PLCL1: variants seen among roughly 807,000 people sequenced by gnomAD.
The protein encoded by PLCL1 is phospholipase C like 1 (inactive), also known as inactive phospholipase C-like protein 1.
Under a neutral mutation model 84.4 loss-of-function variants are expected in PLCL1, and 41 were observed. The observed-to-expected ratio is 0.49, with a 90% CI of 0.38 to 0.63. The LOEUF (loss-of-function observed/expected upper bound fraction) is 0.63. Among genes scored for constraint, PLCL1 ranks in the 30% least tolerant of loss-of-function variants. The pLI, the probability that PLCL1 is intolerant of heterozygous loss-of-function variation, is 0.00. For synonymous variants in PLCL1, 490 were observed against 488.3 expected (o/e 1.00, Z -0.05); for missense variants, 1,206 against 1,367.8 (o/e 0.88, Z 1.87).
chr2:197,982,711 T>A (rs549667177), intron 1 of PLCL1, among the ~76,000 whole-genome samples: 1 of 152,338 alleles, frequency 6.6e-6, no homozygotes, highest in African/African-American at 2.4e-5. Flanking sequence ...TTTTGTGATA[T>A]AAATGTGGGG....
intron 5 of PLCL1, among the ~76,000 whole-genome samples, chr2:198,104,944 T>A (rs1000282549): frequency 6.6e-6 from 1 of 152,116 alleles, no homozygotes; most frequent in Non-Finnish European, 1.5e-5. Flanking sequence ...ATGCATAGTT[T>A]GCAAATATCT....
At chr2:198,043,197 A>C (rs1194078042) in intron 1 of PLCL1, among the ~76,000 whole-genome samples, 1 of 152,222 alleles carries the variant, frequency 6.6e-6, no homozygotes, top group Non-Finnish European at 1.5e-5. Flanking sequence ...GAAAACTGGG[A>C]GGAAAGAATT....
chr2:197,867,776 C>A (rs972458589), intron 1 of PLCL1, among the ~76,000 whole-genome samples: 1 of 152,074 alleles, frequency 6.6e-6, no homozygotes, highest in African/African-American at 2.4e-5. Flanking sequence ...GGATTTCTAG[C>A]GTGGCTCACT....
chr2:197,954,863 G>C (rs1689454947), intron 1 of PLCL1, among the ~76,000 whole-genome samples: 1 of 152,002 alleles, frequency 6.6e-6, no homozygotes, highest in African/African-American at 2.4e-5. Context: ...TAATTTGGAG[G>C]CTAAAGTGTA....
intron 1 of PLCL1, among the ~76,000 whole-genome samples, chr2:197,935,708 T>G (rs901686332): frequency 1.3e-5 from 2 of 152,132 alleles, no homozygotes; most frequent in African/African-American, 4.8e-5. Flanking sequence ...ACCCAACCCC[T>G]GTGACACACA....
Position 198,085,130 on chromosome 2 carries a change from T to C in PLCL1, c.1613T>C (p.Ile538Thr). The change falls in exon 2 of 6, where the codon ATT (isoleucine) becomes ACT (threonine). Residue 538 changes from isoleucine to threonine, a missense_variant. Coordinates refer to ENST00000428675, the MANE Select transcript of PLCL1 (RefSeq NM_006226.4). The surrounding 1 kb of genome is among the most constrained non-coding windows in gnomAD (Gnocchi z 5.3). ...CCAGAAAAATTAAAAAGAATGATCA[T>C]TGTGAAAGGAAAGAAGTTGCCTTCT... The part of the protein sequence containing the change: ...PSPEKLKRMI[I>T]VKGKKLPSDP... The C allele has an allele frequency of 6.2e-7, 1 of 1,613,990 alleles. No homozygotes were observed. The highest frequency in any genetic ancestry group is 8.5e-7 in the Non-Finnish European group (1 of 1,179,960).
chr2:197,991,376 A>T (rs1453954476), intron 1 of PLCL1, among the ~76,000 whole-genome samples: 1 of 152,140 alleles, frequency 6.6e-6, no homozygotes, highest in Non-Finnish European at 1.5e-5. Flanking sequence ...CTATAGTGGC[A>T]TGAGCCAATT....
chr2:197,922,012 T>TTTA (rs1347504326), intron 1 of PLCL1, among the ~76,000 whole-genome samples: 1 of 148,080 alleles, frequency 6.8e-6, no homozygotes, highest in Non-Finnish European at 1.5e-5. Flanking sequence ...TTTTTTTTTT[T>TTTA]TTTTTAAATT....
At chr2:197,988,029 G>T (rs1454014175) in intron 1 of PLCL1, among the ~76,000 whole-genome samples, 1 of 152,140 alleles carries the variant, frequency 6.6e-6, no homozygotes. Flanking sequence ...GAAACTGAGG[G>T]AAAGAGCAGT....
chr2:198,034,119 A>T (rs2105852144), intron 1 of PLCL1, among the ~76,000 whole-genome samples: 1 of 152,198 alleles, frequency 6.6e-6, no homozygotes, highest in East Asian at 1.9e-4. Context: ...TACGTTAGGT[A>T]TATCTCCTAA....
At chr2:198,127,994 AAAAT>A (rs1468507329) in intron 5 of PLCL1, among the ~76,000 whole-genome samples, 11 of 152,138 alleles carry the variant, frequency 7.2e-5, no homozygotes, top group Admixed American at 7.2e-4. Flanking sequence ...AAGCGGCTCT[AAAAT>A]AAGGAGAAAA....
chr2:198,042,952 G>C (rs1053694321), intron 1 of PLCL1, among the ~76,000 whole-genome samples: 3 of 152,160 alleles, frequency 2.0e-5, no homozygotes, highest in Non-Finnish European at 4.4e-5. Context: ...GAAAGGTGAG[G>C]AATGAGGAGA....
chr2:197,978,426 C>G (rs1045149022), intron 1 of PLCL1, among the ~76,000 whole-genome samples: 1 of 152,192 alleles, frequency 6.6e-6, no homozygotes, highest in Non-Finnish European at 1.5e-5. Flanking sequence ...GCAAGTGAGC[C>G]GAGATGGCGG....
At chr2:197,840,462 G>T (rs1224356894) in intron 1 of PLCL1, among the ~76,000 whole-genome samples, 1 of 151,986 alleles carries the variant, frequency 6.6e-6, no homozygotes, top group African/African-American at 2.4e-5. Flanking sequence ...TTTTATGTAG[G>T]CTTGTTCACT....
chr2:197,888,594 G>A (rs183158528), intron 1 of PLCL1, among the ~76,000 whole-genome samples: 51 of 152,262 alleles, frequency 3.3e-4, no homozygotes, highest in Admixed American at 3.3e-3. Context: ...TCCTCATAGA[G>A]TCATAAAGAT....
chr2:197,806,990 C>G (rs1208354823), intron 1 of PLCL1, among the ~76,000 whole-genome samples: 1 of 152,028 alleles, frequency 6.6e-6, no homozygotes, highest in African/African-American at 2.4e-5. Context: ...TTTGAAGTTT[C>G]TTTTTGTGAC....
At chr2:198,071,967 A>G (rs1411724247) in intron 1 of PLCL1, among the ~76,000 whole-genome samples, 1 of 151,868 alleles carries the variant, frequency 6.6e-6, no homozygotes, top group Non-Finnish European at 1.5e-5. Flanking sequence ...ATAATTGAAT[A>G]ATGTATTGTT....
intron 1 of PLCL1, among the ~76,000 whole-genome samples, chr2:198,016,073 C>A (rs1188366779): frequency 6.6e-6 from 1 of 151,988 alleles, no homozygotes; most frequent in South Asian, 2.1e-4. Flanking sequence ...GCTAAAATGC[C>A]CTGTGTAGTA....
chr2:197,951,217 T>C (rs1689383657), intron 1 of PLCL1, among the ~76,000 whole-genome samples: 1 of 152,164 alleles, frequency 6.6e-6, no homozygotes, highest in Non-Finnish European at 1.5e-5. Context: ...GAAATAAAAT[T>C]GCATGTAAGT....
Sources: allele counts gnomAD v4.1 joint callset (sites outside exome capture counted in the v4.1 genomes callset), GRCh38; gene constraint gnomAD v4.1.1; non-coding constraint Gnocchi (gnomAD v3.1); transcripts MANE v1.5; gene names NCBI Gene and HGNC (gene_info 2026-07-23, HGNC 2026-07-21).